The following DIAPH3 variants were observed in gnomAD, a reference collection of about 807,000 sequenced individuals.
DIAPH3 encodes diaphanous related formin 3.
In DIAPH3, 117 loss-of-function variants were observed where a neutral mutation model predicts 144.3. The ratio of observed to expected loss-of-function variants is 0.81; its 90% CI spans 0.70 to 0.95. The LOEUF is 0.95. Ranked by LOEUF, DIAPH3 falls within the 40% of genes least tolerant of loss-of-function variation. DIAPH3 has a pLI of 0.00. For synonymous variants in DIAPH3, 519 were observed against 488.9 expected (o/e 1.06, Z -0.81); for missense variants, 1,421 against 1,412.7 (o/e 1.01, Z -0.09).
intron 1 of DIAPH3, among the ~76,000 whole-genome samples, chr13:60,135,641 C>T (rs2059252055): frequency 6.6e-6 from 1 of 152,152 alleles, no homozygotes; most frequent in Admixed American, 6.5e-5. Flanking sequence ...GAGAAACTCA[C>T]TAACAGAGTA....
intron 23 of DIAPH3, among the ~76,000 whole-genome samples, chr13:59,834,315 A>G (rs1024472060): frequency 2.0e-5 from 3 of 151,792 alleles, no homozygotes; most frequent in Admixed American, 2.0e-4. Flanking sequence ...TTAACATTTA[A>G]CGAAATGGAA....
intron 12 of DIAPH3, among the ~76,000 whole-genome samples, chr13:59,990,620 T>C (rs2051747876): frequency 6.6e-6 from 1 of 151,918 alleles, no homozygotes; most frequent in Admixed American, 6.6e-5. Flanking sequence ...CTAATCTCCA[T>C]ATTTAGTCAC....
chr13:60,140,096 T>C (rs76707819), intron 1 of DIAPH3, among the ~76,000 whole-genome samples: 5,624 of 152,316 alleles, frequency 0.037, 139 homozygotes, highest in East Asian at 0.066. Flanking sequence ...TCGCAACTAC[T>C]AAATTACTTC....
intron 22 of DIAPH3, among the ~76,000 whole-genome samples, chr13:59,857,486 T>C (rs2043323499): frequency 6.6e-6 from 1 of 152,056 alleles, no homozygotes. Flanking sequence ...ATCAAATATA[T>C]CAGTGAATGC....
At chr13:59,764,145 C>G (rs1330624204) in intron 27 of DIAPH3, among the ~76,000 whole-genome samples, 1 of 151,954 alleles carries the variant, frequency 6.6e-6, no homozygotes, top group Non-Finnish European at 1.5e-5. Context: ...TACATAATCC[C>G]TGTTTGCAGT....
intron 25 of DIAPH3, among the ~76,000 whole-genome samples, chr13:59,793,899 A>C (rs1459079650): frequency 6.6e-6 from 1 of 152,178 alleles, no homozygotes; most frequent in African/African-American, 2.4e-5. Flanking sequence ...CTCACTAGAC[A>C]TGGTAACCTG....
chr13:59,687,755 A>T (rs2033291607), intron 27 of DIAPH3, among the ~76,000 whole-genome samples: 1 of 152,114 alleles, frequency 6.6e-6, no homozygotes, highest in Non-Finnish European at 1.5e-5. Context: ...CATAAGGATG[A>T]TTATTCGATG....
At chr13:59,814,102 T>A (rs1174975971) in intron 24 of DIAPH3, among the ~76,000 whole-genome samples, 1 of 152,170 alleles carries the variant, frequency 6.6e-6, no homozygotes, top group Admixed American at 6.5e-5. Context: ...TAATATATCA[T>A]GTAGCTTATT....
intron 4 of DIAPH3, among the ~76,000 whole-genome samples, chr13:60,081,150 G>C (rs1356824818): frequency 6.6e-6 from 1 of 151,860 alleles, no homozygotes; most frequent in Non-Finnish European, 1.5e-5. Context: ...TTTTCCAGGG[G>C]TGGGGTATAG....
chr13:59,758,345 T>C, intron 27 of DIAPH3, among the ~76,000 whole-genome samples: 1 of 152,242 alleles, frequency 6.6e-6, no homozygotes, highest in Admixed American at 6.5e-5. Flanking sequence ...TATGCCCTTA[T>C]AGTGGAATAC....
At chr13:60,057,450 C>A (rs1324063082) in intron 4 of DIAPH3, among the ~76,000 whole-genome samples, 1 of 151,890 alleles carries the variant, frequency 6.6e-6, no homozygotes, top group Non-Finnish European at 1.5e-5. Context: ...GAATCAATAT[C>A]ATGAAAATGA....
At chr13:59,967,359 G>C (rs2050119803) in intron 17 of DIAPH3, among the ~76,000 whole-genome samples, 1 of 151,964 alleles carries the variant, frequency 6.6e-6, no homozygotes, top group Non-Finnish European at 1.5e-5. Flanking sequence ...ACAGGCGGGA[G>C]CCATTGCACC....
At chr13:59,984,607 C>G (rs2051267223) in intron 12 of DIAPH3, among the ~76,000 whole-genome samples, 1 of 150,466 alleles carries the variant, frequency 6.6e-6, no homozygotes, top group South Asian at 2.1e-4. Context: ...AGAGAAGAAT[C>G]AAATAGACAC....
At chr13:59,921,884 T>C (rs1003158286) in intron 18 of DIAPH3, among the ~76,000 whole-genome samples, 2 of 152,028 alleles carry the variant, frequency 1.3e-5, no homozygotes, top group South Asian at 2.1e-4. Context: ...ATTCCAGAGA[T>C]GCAAGGATGG....
At chr13:59,919,546 A>T (rs2047410014) in intron 18 of DIAPH3, among the ~76,000 whole-genome samples, 1 of 152,122 alleles carries the variant, frequency 6.6e-6, no homozygotes, top group Admixed American at 6.5e-5. Context: ...TTCTAAGAAT[A>T]CTTTACCGTC....
At chr13:59,701,610 T>C (rs1355178051) in intron 27 of DIAPH3, among the ~76,000 whole-genome samples, 2 of 152,246 alleles carry the variant, frequency 1.3e-5, no homozygotes, top group Non-Finnish European at 2.9e-5. Context: ...TTCTGAAATG[T>C]TTAGCTCATT....
intron 17 of DIAPH3, among the ~76,000 whole-genome samples, chr13:59,969,304 C>T (rs758613198): frequency 1.3e-5 from 2 of 152,144 alleles, no homozygotes; most frequent in African/African-American, 2.4e-5. Flanking sequence ...CTCTTTCAAG[C>T]TAACTTTGAA....
At chr13:59,809,656 G>C (rs1339208525) in intron 25 of DIAPH3, among the ~76,000 whole-genome samples, 2 of 152,024 alleles carry the variant, frequency 1.3e-5, no homozygotes, top group Non-Finnish European at 2.9e-5. Flanking sequence ...AAATAATTCT[G>C]AGAATATTCC....
intron 5 of DIAPH3, among the ~76,000 whole-genome samples, chr13:60,027,623 A>T (rs754983741): frequency 6.6e-6 from 1 of 152,184 alleles, no homozygotes; most frequent in African/African-American, 2.4e-5. Flanking sequence ...TAAAACAAGT[A>T]TGGATTTTAA....
Sources: allele counts gnomAD v4.1 joint callset (sites outside exome capture counted in the v4.1 genomes callset), GRCh38; gene constraint gnomAD v4.1.1; transcripts MANE v1.5; gene names NCBI Gene and HGNC (gene_info 2026-07-23, HGNC 2026-07-21).